The following TRAK1 variants were observed in gnomAD, a reference collection of about 807,000 sequenced individuals.
TRAK1 encodes the protein trafficking kinesin-binding protein 1.
TRAK1 carries 33 observed loss-of-function variants against 92.1 expected under a neutral mutation model. That is an observed-to-expected ratio of 0.36 (90% confidence interval 0.27 to 0.48). TRAK1 has a LOEUF of 0.48. TRAK1 is among the 20% of genes least tolerant of loss of function. The pLI, the probability that TRAK1 is intolerant of heterozygous loss-of-function variation, is 0.99. For missense variants in TRAK1, 1,123 were observed against 1,257.9 expected, an observed-to-expected ratio of 0.89 and a Z score of 1.62; for synonymous variants, 521 against 517.3, an observed-to-expected ratio of 1.01 and a Z score of -0.10.
At chr3:42,030,251 T>C (rs373207812) in intron 1 of TRAK1, among the ~76,000 whole-genome samples, 12 of 151,510 alleles carry the variant, frequency 7.9e-5, no homozygotes, top group African/African-American at 4.8e-5. Context: ...ATGGGCAACA[T>C]TGGGAGGCTG....
At chr3:42,192,127 C>T (rs904793986) in intron 7 of TRAK1, among the ~76,000 whole-genome samples, 6 of 151,936 alleles carry the variant, frequency 3.9e-5, no homozygotes, top group African/African-American at 1.2e-4. Context: ...GTCTTGAACT[C>T]CTGACCTCAG....
At chr3:42,149,628 G>A (rs1699728468) in intron 2 of TRAK1, 7 of 1,536,032 alleles carry the variant, frequency 4.6e-6, no homozygotes, top group South Asian at 3.6e-5. Flanking sequence ...AAACAGAGCC[G>A]GGATGTATAG....
intron 2 of TRAK1, among the ~76,000 whole-genome samples, chr3:42,172,584 C>G (rs1261670372): frequency 6.6e-6 from 1 of 152,186 alleles, no homozygotes; most frequent in Non-Finnish European, 1.5e-5. Context: ...CCTTCAAAAA[C>G]TCTCTAGTGG....
At chr3:42,044,122 G>A (rs1290543763) in intron 1 of TRAK1, among the ~76,000 whole-genome samples, 1 of 152,134 alleles carries the variant, frequency 6.6e-6, no homozygotes, top group Non-Finnish European at 1.5e-5. Flanking sequence ...TTCTGCCTCA[G>A]TGTCCAGTCT....
At chr3:42,159,888 C>A (rs187217037) in intron 2 of TRAK1, among the ~76,000 whole-genome samples, 150 of 152,348 alleles carry the variant, frequency 9.8e-4, no homozygotes, top group African/African-American at 3.1e-3. Context: ...CCTCCGCCAG[C>A]GCCCCACCTT....
chr3:42,095,721 A>G (rs1013262592), intron 1 of TRAK1, among the ~76,000 whole-genome samples: 18 of 150,904 alleles, frequency 1.2e-4, no homozygotes, highest in Non-Finnish European at 2.2e-4. Flanking sequence ...TATCATCGTC[A>G]TCATCATCAT....
At chr3:42,110,709 G>A (rs1708273679) in intron 1 of TRAK1, among the ~76,000 whole-genome samples, 1 of 152,186 alleles carries the variant, frequency 6.6e-6, no homozygotes, top group South Asian at 2.1e-4. Flanking sequence ...AGAAAAGCAA[G>A]TCTTGCCTTG....
At chr3:42,166,248 A>G (rs549666169) in intron 2 of TRAK1, among the ~76,000 whole-genome samples, 1 of 152,324 alleles carries the variant, frequency 6.6e-6, no homozygotes, top group East Asian at 1.9e-4. Flanking sequence ...TCTGTCTAAA[A>G]TGGGACAGTA....
intron 1 of TRAK1, among the ~76,000 whole-genome samples, chr3:42,096,447 A>T (rs4974010): frequency 0.65 from 99,276 of 151,828 alleles, 32,834 homozygotes; most frequent in South Asian, 0.81. Context: ...AGAGATGGGG[A>T]TTCGCCATGT....
chr3:42,086,311 C>T (rs369797652), upstream of TRAK1, among the ~76,000 whole-genome samples: 625 of 140,452 alleles, frequency 4.4e-3, 5 homozygotes, highest in African/African-American at 0.016. Context: ...CTTTTTCTTT[C>T]TTTTTTTTTT....
At chr3:42,126,551 A>G (rs1463838186) in intron 2 of TRAK1, among the ~76,000 whole-genome samples, 1 of 152,222 alleles carries the variant, frequency 6.6e-6, no homozygotes, top group Non-Finnish European at 1.5e-5. Context: ...TGATTCTGGT[A>G]TTTATTCAAA....
At chr3:42,172,175 TTCTG>T in intron 2 of TRAK1, among the ~76,000 whole-genome samples, 1 of 152,218 alleles carries the variant, frequency 6.6e-6, no homozygotes. Flanking sequence ...AGGAGGGTGT[TTCTG>T]TCAGGCAGAC....
chr3:42,100,312 C>T (rs573180403), intron 1 of TRAK1, among the ~76,000 whole-genome samples: 5 of 152,070 alleles, frequency 3.3e-5, no homozygotes, highest in South Asian at 2.1e-4. Flanking sequence ...GGCCACAGTG[C>T]GCCATGATTG....
chr3:42,213,431 A>C (rs1327593411), intron 14 of TRAK1, among the ~76,000 whole-genome samples: 1 of 152,216 alleles, frequency 6.6e-6, no homozygotes, highest in Non-Finnish European at 1.5e-5. Context: ...AAAATTCCCT[A>C]AATCTCCAGC....
In TRAK1 at chr3:42,148,023, A is replaced by AACACACAC. The variant is rs146659030; in HGVS notation, c.286+22426_286+22433dup. On this transcript the variant is annotated intron_variant, in intron 2 of 15. Coordinates refer to ENST00000327628, the MANE Select transcript of TRAK1 (RefSeq NM_001042646.3). ...AGAAGCAGACATACACATACATAGAAACACACACACACACACACACACACT... is the reference window on the plus strand; with the variant it reads ...AGAAGCAGACATACACATACATAGAAACACACACACACACACACACACACACACACACT... Among the ~76,000 whole-genome samples the AACACACAC allele has an allele frequency of 5.0e-4, 75 of 150,192 alleles. No individual in the cohort carries two copies. The South Asian group carries it at 0.011, about 23-fold the overall frequency.
At chr3:42,122,202 T>C (rs759137973) in intron 1 of TRAK1, among the ~76,000 whole-genome samples, 16 of 152,222 alleles carry the variant, frequency 1.1e-4, no homozygotes, top group African/African-American at 2.6e-4. Flanking sequence ...GAAAAAGATA[T>C]CACATGGGCA....
chr3:42,077,265 A>G (rs1323166737), intron 1 of TRAK1, among the ~76,000 whole-genome samples: 1 of 152,150 alleles, frequency 6.6e-6, no homozygotes, highest in Non-Finnish European at 1.5e-5. Context: ...GATTCTTCCT[A>G]TCCATGAGCA....
At chr3:42,215,215 CT>C (rs1227961197) in intron 14 of TRAK1, among the ~76,000 whole-genome samples, 2 of 152,220 alleles carry the variant, frequency 1.3e-5, no homozygotes, top group Non-Finnish European at 1.5e-5. Flanking sequence ...ATATTTTAGT[CT>C]TTTAGGAAGA....
At chr3:42,217,894 G>A (rs1709895089) in intron 14 of TRAK1, 2 of 985,118 alleles carry the variant, frequency 2.0e-6, no homozygotes, top group Admixed American at 6.1e-5. Context: ...ACTTATTGGA[G>A]TTCCTGAGCC....
Sources: allele counts gnomAD v4.1 joint callset (sites outside exome capture counted in the v4.1 genomes callset), GRCh38; gene constraint gnomAD v4.1.1; transcripts MANE v1.5; gene names NCBI Gene and HGNC (gene_info 2026-07-23, HGNC 2026-07-21).